MYNN: variants seen among roughly 807,000 people sequenced by gnomAD.
MYNN encodes the protein zinc finger and BTB domain-containing protein 31.
MYNN carries 22 observed loss-of-function variants against 57.2 expected under a neutral mutation model. That is an observed-to-expected ratio of 0.38 (90% CI 0.27 to 0.55). MYNN has a LOEUF of 0.55. Among genes scored for constraint, MYNN ranks in the 20% least tolerant of loss-of-function variants. The pLI, the probability that MYNN is intolerant of heterozygous loss-of-function variation, is 0.71. For synonymous variants in MYNN, 241 were observed against 257.1 expected (o/e 0.94, Z 0.60); for missense variants, 566 against 723.1 (o/e 0.78, Z 2.49).
At chr3:169,785,684 TTGAAG>T (rs987308102) in intron 7 of MYNN, among the ~76,000 whole-genome samples, 4 of 151,994 alleles carry the variant, frequency 2.6e-5, no homozygotes, top group African/African-American at 4.8e-5. Flanking sequence ...CCTTAGCTAG[TTGAAG>T]TGAAGAGTAG....
At position 169,782,296 on chromosome 3, in the gene MYNN, G is replaced by T. The variant is rs180891437; in HGVS notation, c.1221-169G>T. Among the ~76,000 whole-genome samples the T allele has an allele frequency of 1.2e-3, 187 of 152,262 alleles. No individual in the cohort carries two copies. Among genetic ancestry groups the T allele is most frequent in the African/African-American group, 4.2e-3 (175 of 41,550 alleles). ...CTCAGAACTAATGTTTTGATAATAA[G>T]AAATATTTGTTTTTGGCAGTGTTTA... On this transcript the variant is annotated intron_variant, in intron 4 of 7. Transcript: ENST00000349841. The surrounding 1 kb of genome is among the most constrained non-coding windows in gnomAD (Gnocchi z 4.8).
chr3:169,785,079 G>C (rs112511892), intron 7 of MYNN, among the ~76,000 whole-genome samples: 5 of 146,932 alleles, frequency 3.4e-5, no homozygotes, highest in South Asian at 2.2e-4. Context: ...AAGGGGGGGG[G>C]GGTGGTGTTA....
At chr3:169,784,424 AT>A (rs967035874) in intron 6 of MYNN, among the ~76,000 whole-genome samples, 197 bp from the exon 7 acceptor site, 2 of 151,956 alleles carry the variant, frequency 1.3e-5, no homozygotes, top group African/African-American at 4.8e-5. Flanking sequence ...TGAGATACAG[AT>A]TTTTTGTATA....
At chr3:169,775,210 A>G (rs1159326558) in intron 2 of MYNN, among the ~76,000 whole-genome samples, 1 of 152,090 alleles carries the variant, frequency 6.6e-6, no homozygotes, top group Non-Finnish European at 1.5e-5. Flanking sequence ...ATGATTCTCT[A>G]AGATGCTTAC....
At position 169,786,570 on chromosome 3, in the gene MYNN, G is replaced by GCTT. The variant is rs1778684758; in HGVS notation, c.1728_1730dup (p.Leu577dup). ...CACTTGGGACTGAGGACCATCACAT[G>GCTT]CTTCTGCCTGTCACGGATACTCAGT... On this transcript the variant is annotated inframe_insertion, in exon 8 of 8. Transcript: ENST00000349841. The GCTT allele has an allele frequency of 3.1e-6, 5 of 1,613,532 alleles. No homozygotes were observed. The highest frequency in any genetic ancestry group is 4.2e-6 in the Non-Finnish European group (5 of 1,179,674).
chr3:169,780,832 G>T, intron 4 of MYNN, 83 bp downstream of exon 4: 1 of 1,145,012 alleles, frequency 8.7e-7, no homozygotes, highest in Non-Finnish European at 1.2e-6. Flanking sequence ...TAGAATTCAG[G>T]ACAGTAGAAT....
At position 169,779,434 on chromosome 3, in the gene MYNN, T is replaced by C; in HGVS notation, c.933T>C (p.Phe311=). The change falls in exon 3 of 8, where the codon TTT becomes TTC. Residue 311 remains phenylalanine (F), a synonymous_variant. Coordinates refer to ENST00000349841, the MANE Select transcript of MYNN (RefSeq NM_018657.5). ...TGTGTAACACATGTGGGAAAGTGTT[T>C]TCAGAAGCCAGCAGTTTGAGAAGGC... ...KPMCNTCGKV[F]SEASSLRRHM... 6.2e-7 allele frequency: 1 copy of C among 1,614,146 alleles called. No homozygotes were observed.
chr3:169,782,355 C>A lies in MYNN; in HGVS notation c.1221-110C>A. On this transcript the variant is annotated intron_variant, in intron 4 of 7. Transcript: ENST00000349841. This position sits in a 1 kb window ranked among gnomAD's most constrained non-coding sequence, Gnocchi z 4.8. Reference sequence around the variant, plus strand: ...CAACTACTGATTTTAAATACATAGTCTTGGCCTGTTAAGATGACATGAAAT... The same window carrying A: ...CAACTACTGATTTTAAATACATAGTATTGGCCTGTTAAGATGACATGAAAT... 1.2e-6 allele frequency: 1 copy of A among 820,302 alleles called. No homozygotes were observed. Among genetic ancestry groups the A allele is most frequent in the Non-Finnish European group, 1.9e-6 (1 of 536,196 alleles). 50.8% of individuals were successfully genotyped at this position (820,302 alleles called of 1,614,324 possible). A position where few individuals can be genotyped will look rare whatever the true frequency, so the allele number is the denominator to read the frequency against.
intron 7 of MYNN, 52 bp downstream of exon 7, chr3:169,784,760 T>C (rs1196642650): frequency 8.9e-7 from 1 of 1,127,064 alleles, no homozygotes; most frequent in Non-Finnish European, 1.3e-6. Flanking sequence ...TTGGTGCTCA[T>C]ATTAGTGCTA....
chr3:169,786,324 G>A, intron 7 of MYNN, 92 bp from the exon 8 acceptor site: 1 of 1,235,146 alleles, frequency 8.1e-7, no homozygotes, highest in Non-Finnish European at 1.1e-6. Context: ...TGGTTGGAAT[G>A]TAATTTCTGG....
In MYNN at chr3:169,779,650, G is replaced by A. The variant is rs548833592; in HGVS notation, c.1060+89G>A. On this transcript the variant is annotated intron_variant, in intron 3 of 7. Transcript: ENST00000349841. ...AGAGTACTTAGCACACACTACTTGT[G>A]ACCAGAATTTGGTATATTTTTCTAT... is the stretch of plus-strand genomic sequence containing the variant. 3.8e-6 allele frequency: 5 copies of A among 1,300,664 alleles called. No individual in the cohort carries two copies. In the Admixed American group the frequency reaches 1.3e-4, roughly 33 times the overall value. The allele number at this position is 1,300,664 out of a possible 1,614,324, so 80.6% of individuals were successfully genotyped here.
chr3:169,774,374 A>C lies in MYNN; in HGVS notation c.79A>C (p.Thr27Pro). 6.2e-7 allele frequency: 1 copy of C among 1,614,140 alleles called. No individual in the cohort carries two copies. The highest frequency in any genetic ancestry group is 8.5e-7 in the Non-Finnish European group (1 of 1,179,988). Residue 27 changes from threonine (T) to proline (P), a missense_variant, in exon 2 of 8, where the codon ACC becomes CCC. By Grantham distance (38) the Thr-to-Pro change is conservative (BLOSUM62 -1). Transcript: ENST00000349841. ...GGAAGCAGGTTTTCTCTGTGACTGT[A>C]CCATAGTGATTGGGGAATTCCAGTT... is the stretch of plus-strand genomic sequence containing the variant. ...QREAGFLCDCTIVIGEFQFKA... is the reference protein window; with the variant it reads ...QREAGFLCDCPIVIGEFQFKA...
chr3:169,777,498 T>TGA (rs1424775465), intron 2 of MYNN: 1 of 152,180 alleles, frequency 6.6e-6, no homozygotes, highest in African/African-American at 2.4e-5. Flanking sequence ...TGTGTGTGTG[T>TGA]GTGTTTCCAT....
At chr3:169,780,569 T>C (rs912251869) in intron 3 of MYNN, 21 bp from the exon 4 acceptor site, 6 of 1,559,950 alleles carry the variant, frequency 3.8e-6, no homozygotes, top group Non-Finnish European at 4.3e-6. Flanking sequence ...CTTCTAAATA[T>C]AAATTTTATT....
chr3:169,774,363 T>C lies in MYNN; in HGVS notation c.68T>C (p.Leu23Pro). Reference sequence around the variant, plus strand: ...AACAAACAGCGGGAAGCAGGTTTTCTCTGTGACTGTACCATAGTGATTGGG... The same window carrying C: ...AACAAACAGCGGGAAGCAGGTTTTCCCTGTGACTGTACCATAGTGATTGGG... ...RLNKQREAGF[L>P]CDCTIVIGEF... Residue 23 changes from leucine to proline, a missense_variant, in exon 2 of 8, where the codon CTC becomes CCC. Leu to Pro is a moderately conservative substitution (Grantham distance 98). Around this residue, in one of 4 missense-constraint regions of MYNN, gnomAD observed 26 missense variants for 55.8 expected, o/e 0.47. Transcript: ENST00000349841. 1 of 1,614,174 alleles carries C rather than the reference T, an allele frequency of 6.2e-7. No homozygotes were observed. The highest frequency in any genetic ancestry group is 1.1e-5 in the South Asian group (1 of 91,088).
chr3:169,775,779 C>G (rs1778320925), intron 2 of MYNN, among the ~76,000 whole-genome samples: 1 of 152,134 alleles, frequency 6.6e-6, no homozygotes, highest in Non-Finnish European at 1.5e-5. Flanking sequence ...TAATTCTTTT[C>G]CAGATCTCTG....
rs1313143568 is a variant in MYNN at position 169,784,756 on chromosome 3, C to T, written c.1570+48C>T. On this transcript the variant is annotated intron_variant, in intron 7 of 7. Coordinates refer to ENST00000349841, the MANE Select transcript of MYNN (RefSeq NM_018657.5). The stretch of plus-strand genomic sequence containing the variant: ...CTTGTTTGTTTGTTTTAATTTGGTG[C>T]TCATATTAGTGCTATTCCTTAAAAT... 6.6e-6 allele frequency: 8 copies of T among 1,212,660 alleles called. 1 individual carries two copies. The South Asian group carries it at 8.0e-5, about 12-fold the overall frequency. The allele number at this position is 1,212,660 out of a possible 1,614,324, so 75.1% of individuals were successfully genotyped here.
chr3:169,773,536 T>G (rs1778237701), intron 1 of MYNN, 74 bp downstream of exon 1: 1 of 152,578 alleles, frequency 6.6e-6, no homozygotes, highest in South Asian at 2.1e-4. Flanking sequence ...GCAGGCTCCT[T>G]GGAGTTCCAG....
At chr3:169,778,093 A>T (rs1016178742) in intron 2 of MYNN, 2 of 152,444 alleles carry the variant, frequency 1.3e-5, no homozygotes, top group Non-Finnish European at 2.9e-5. Flanking sequence ...ATGGTAGCAC[A>T]TGCTTGTAGT....
Sources: allele counts gnomAD v4.1 joint callset (sites outside exome capture counted in the v4.1 genomes callset), GRCh38; gene constraint gnomAD v4.1.1; regional missense constraint gnomAD v4.1.1; non-coding constraint Gnocchi (gnomAD v3.1); transcripts MANE v1.5; gene names NCBI Gene and HGNC (gene_info 2026-07-23, HGNC 2026-07-21).